TRHDE: variants seen among roughly 807,000 people sequenced by gnomAD.
TRHDE encodes thyrotropin releasing hormone degrading enzyme.
TRHDE carries 72 observed loss-of-function variants against 125.7 expected under a neutral mutation model. That is an observed-to-expected ratio of 0.57 (90% confidence interval 0.47 to 0.70). The LOEUF (loss-of-function observed/expected upper bound fraction) is 0.70, where lower values mean the gene tolerates loss of function less well. Ranked by LOEUF, TRHDE falls within the 30% of genes least tolerant of loss-of-function variation. The pLI, the probability that TRHDE is intolerant of heterozygous loss-of-function variation, is 0.00. For missense variants in TRHDE, 1,110 were observed against 1,327.1 expected, an observed-to-expected ratio of 0.84 and a Z score of 2.54; for synonymous variants, 509 against 509.1, an observed-to-expected ratio of 1.00 and a Z score of 0.00.
rs1394813341 is a variant in TRHDE at position 72,670,656 on chromosome 12, T to A, written c.*7461T>A. ...GACTTTTTCATGACTATACACATGC[T>A]GAGGCTAGAATAAAAACATATATTT... On this transcript the variant is annotated 3_prime_UTR_variant, in exon 19 of 19. Coordinates refer to ENST00000261180, the MANE Select transcript of TRHDE (RefSeq NM_013381.3). The A allele has an allele frequency of 6.6e-6, 1 of 151,780 alleles. No individual in the cohort carries two copies. 9.4% of individuals were successfully genotyped at this position (151,780 alleles called of 1,614,324 possible). A position where few individuals can be genotyped will look rare whatever the true frequency, so the allele number is the denominator to read the frequency against.
intron 2 of TRHDE, among the ~76,000 whole-genome samples, chr12:72,208,247 A>T (rs1398613419): frequency 6.6e-5 from 10 of 152,088 alleles, no homozygotes. Flanking sequence ...TACACAGTTC[A>T]GACATTCAAG....
intron 2 of TRHDE, among the ~76,000 whole-genome samples, chr12:72,354,094 TAAAAG>T (rs1870707428): frequency 6.6e-6 from 1 of 151,594 alleles, no homozygotes; most frequent in African/African-American, 2.4e-5. Flanking sequence ...ATGGAATACT[TAAAAG>T]AAATTCACTA....
rs1879266656 is a variant in TRHDE, at chr12:72,272,568, C to T, written c.-76C>T. ...TCGGCCCGCGTGAGCTCTCCGATGCCTGCTCTGGCTGTGGCCCGGGTGGCC... is the reference window on the plus strand; with the variant it reads ...TCGGCCCGCGTGAGCTCTCCGATGCTTGCTCTGGCTGTGGCCCGGGTGGCC... On this transcript the variant is annotated 5_prime_UTR_variant, in exon 1 of 19. Transcript: ENST00000261180. The surrounding 1 kb of genome is among the most constrained non-coding windows in gnomAD (Gnocchi z 6.7). 1.6e-6 allele frequency: 1 copy of T among 610,346 alleles called. No individual in the cohort carries two copies. Among genetic ancestry groups the T allele is most frequent in the Admixed American group, 3.1e-5 (1 of 32,466 alleles). 37.8% of individuals were successfully genotyped at this position (610,346 alleles called of 1,614,324 possible). A position where few individuals can be genotyped will look rare whatever the true frequency, so the allele number is the denominator to read the frequency against.
At chr12:72,349,834 A>C (rs1230447432) in intron 2 of TRHDE, among the ~76,000 whole-genome samples, 1 of 151,976 alleles carries the variant, frequency 6.6e-6, no homozygotes, top group Non-Finnish European at 1.5e-5. Context: ...TAAATGAGTC[A>C]CTTCTTTGAG....
At chr12:72,118,390 C>T (rs1400397351) in intron 2 of TRHDE, among the ~76,000 whole-genome samples, 1 of 152,032 alleles carries the variant, frequency 6.6e-6, no homozygotes, top group Non-Finnish European at 1.5e-5. Context: ...TTCTTGCATC[C>T]CAGGGATAAA....
At chr12:72,525,290 C>T (rs1868312098) in intron 6 of TRHDE, among the ~76,000 whole-genome samples, 1 of 151,884 alleles carries the variant, frequency 6.6e-6, no homozygotes. Flanking sequence ...ATAACTTTGT[C>T]CTTTAGATAT....
chr12:72,155,435 G>A (rs1293382396), intron 2 of TRHDE, among the ~76,000 whole-genome samples: 1 of 152,150 alleles, frequency 6.6e-6, no homozygotes, highest in Non-Finnish European at 1.5e-5. Context: ...TTGCTGATGA[G>A]GAGCTGTGTT....
At chr12:72,258,765 C>CT (rs763406686) in intron 2 of TRHDE, among the ~76,000 whole-genome samples, 1 of 152,152 alleles carries the variant, frequency 6.6e-6, no homozygotes. Context: ...TCTGCAATCT[C>CT]TACTTGACTT....
chr12:72,465,132 T>G (rs1876307558), intron 3 of TRHDE, among the ~76,000 whole-genome samples: 1 of 152,124 alleles, frequency 6.6e-6, no homozygotes, highest in Non-Finnish European at 1.5e-5. Context: ...TTTGCAAAAA[T>G]TAAAATAATT....
intron 2 of TRHDE, among the ~76,000 whole-genome samples, chr12:72,146,390 C>T (rs1043622238): frequency 6.6e-6 from 1 of 152,214 alleles, no homozygotes. Flanking sequence ...TATGCTGCCT[C>T]CCCCATCTGA....
At chr12:72,229,060 C>T (rs1878197507) in intron 2 of TRHDE, among the ~76,000 whole-genome samples, 2 of 152,190 alleles carry the variant, frequency 1.3e-5, no homozygotes, top group Non-Finnish European at 2.9e-5. Flanking sequence ...CTGTTCCAAC[C>T]TCTGCCTGTT....
chr12:72,490,721 C>T (rs1877631004), intron 5 of TRHDE, among the ~76,000 whole-genome samples: 1 of 124,494 alleles, frequency 8.0e-6, no homozygotes, highest in Admixed American at 8.5e-5. Flanking sequence ...ACAGAAAGAA[C>T]AATATTGCAT....
chr12:72,392,663 T>C (rs954856565), intron 3 of TRHDE, among the ~76,000 whole-genome samples: 4 of 152,178 alleles, frequency 2.6e-5, no homozygotes, highest in African/African-American at 7.2e-5. Context: ...TCCAATAACA[T>C]CTTGTTTACT....
intron 1 of TRHDE, among the ~76,000 whole-genome samples, chr12:72,097,124 C>CA (rs1269225639): frequency 1.3e-5 from 2 of 152,134 alleles, no homozygotes; most frequent in East Asian, 3.8e-4. Flanking sequence ...GTGGTTTTCT[C>CA]AAAAGAAAAG....
intron 5 of TRHDE, among the ~76,000 whole-genome samples, chr12:72,478,372 C>T (rs114137684): frequency 1.7e-3 from 259 of 152,188 alleles, no homozygotes; most frequent in Middle Eastern, 0.014. Flanking sequence ...TCTCTGACTG[C>T]GTTTTCCTTT....
At chr12:72,432,778 A>G (rs915786965) in intron 3 of TRHDE, among the ~76,000 whole-genome samples, 1 of 152,168 alleles carries the variant, frequency 6.6e-6, no homozygotes, top group African/African-American at 2.4e-5. Context: ...GAATAGGGAC[A>G]GTTTTTCTTT....
intron 7 of TRHDE, among the ~76,000 whole-genome samples, chr12:72,543,291 T>TC: frequency 6.6e-6 from 1 of 151,644 alleles, no homozygotes; most frequent in South Asian, 2.1e-4. Flanking sequence ...TGACAAACTC[T>TC]CTCTCTATAC....
chr12:72,569,648 A>G (rs187354079), intron 10 of TRHDE, among the ~76,000 whole-genome samples: 171 of 152,334 alleles, frequency 1.1e-3, no homozygotes, highest in Non-Finnish European at 2.0e-3. Context: ...GAACACTTAC[A>G]GTTCCATGCA....
intron 15 of TRHDE, among the ~76,000 whole-genome samples, chr12:72,637,482 G>T (rs1406733094): frequency 6.6e-6 from 1 of 151,910 alleles, no homozygotes; most frequent in Admixed American, 6.6e-5. Flanking sequence ...TTTTTGAAGG[G>T]TTTTTTGTGT....
Sources: allele counts gnomAD v4.1 joint callset (sites outside exome capture counted in the v4.1 genomes callset), GRCh38; gene constraint gnomAD v4.1.1; non-coding constraint Gnocchi (gnomAD v3.1); transcripts MANE v1.5; gene names NCBI Gene and HGNC (gene_info 2026-07-23, HGNC 2026-07-21).